Variants in SPATA6 observed in about 807,000 individuals in gnomAD.
SPATA6 encodes spermatogenesis-associated protein 6.
SPATA6 carries 56 observed loss-of-function variants against 65.3 expected under a neutral mutation model. That is an observed-to-expected ratio of 0.86 (90% CI 0.69 to 1.07). The LOEUF is 1.07. Ranked by LOEUF, SPATA6 falls within the 50% of genes least tolerant of loss-of-function variation. The probability of loss-of-function intolerance (pLI) is 0.00; values close to 1 mark genes in which losing one functional copy is unlikely to be tolerated. For missense variants in SPATA6, 590 were observed against 594.8 expected, an observed-to-expected ratio of 0.99 and a Z score of 0.08; for synonymous variants, 199 against 213.2, an observed-to-expected ratio of 0.93 and a Z score of 0.58.
chr1:48,360,690 T>C (rs1646787077), intron 9 of SPATA6, among the ~76,000 whole-genome samples: 1 of 152,138 alleles, frequency 6.6e-6, no homozygotes, highest in African/African-American at 2.4e-5. Context: ...CTTCTATAAA[T>C]AGGACATCCC....
the SPATA6 span, among the ~76,000 whole-genome samples, chr1:48,275,102 T>C: frequency 1.3e-5 from 2 of 152,220 alleles, no homozygotes; most frequent in Non-Finnish European, 2.9e-5. Context: ...TTTGTAGCAA[T>C]TGTGAATGGG....
In SPATA6 at chr1:48,359,627, A is replaced by C. The variant is rs1646751737; in HGVS notation, c.1053T>G (p.His351Gln). The C allele has an allele frequency of 6.2e-7, 1 of 1,613,548 alleles. No individual in the cohort carries two copies. The highest frequency in any genetic ancestry group is 1.1e-5 in the South Asian group (1 of 91,066). The part of the protein sequence containing the change: ...VHSAPSTMPK[H>Q]SPSPVLNRAS... The stretch of plus-strand genomic sequence containing the variant: ...CTCTATTTAACACAGGGCTTGGAGA[A>C]TGCTTTGGCATTGTTGAGGGTGCTG... The change falls in exon 10 of 13, where the codon CAT (histidine) becomes CAG (glutamine). Residue 351 changes from histidine (H) to glutamine (Q), a missense_variant. Transcript: ENST00000371847.
intron 8 of SPATA6, among the ~76,000 whole-genome samples, chr1:48,394,609 G>A (rs1265050112): frequency 6.6e-6 from 1 of 151,922 alleles, no homozygotes; most frequent in Non-Finnish European, 1.5e-5. Flanking sequence ...ACACACAACA[G>A]GTTAGAAATA....
intron 1 of SPATA6, among the ~76,000 whole-genome samples, chr1:48,462,989 C>G (rs1433730744): frequency 1.3e-5 from 2 of 152,166 alleles, no homozygotes; most frequent in African/African-American, 4.8e-5. Flanking sequence ...TGTGCTCTCT[C>G]TCCTTGAGCT....
chr1:48,302,070 G>C (rs376427252), intron 12 of SPATA6, among the ~76,000 whole-genome samples: 40 of 152,106 alleles, frequency 2.6e-4, no homozygotes, highest in African/African-American at 9.2e-4. Context: ...AGAAAACAAA[G>C]TTTTAGATCT....
chr1:48,445,059 A>C (rs1315915274), intron 3 of SPATA6, among the ~76,000 whole-genome samples: 8 of 152,222 alleles, frequency 5.3e-5, no homozygotes, highest in Admixed American at 5.2e-4. Flanking sequence ...ACAATAGGAA[A>C]TGTATATATG....
At chr1:48,457,663 A>G (rs1657113627) in intron 1 of SPATA6, among the ~76,000 whole-genome samples, 2 of 152,184 alleles carry the variant, frequency 1.3e-5, no homozygotes, top group African/African-American at 4.8e-5. Flanking sequence ...TTTTCTTTCA[A>G]AAAGGAAGTA....
chr1:48,320,308 A>T (rs1334766974), intron 11 of SPATA6, among the ~76,000 whole-genome samples: 1 of 152,246 alleles, frequency 6.6e-6, no homozygotes, highest in Non-Finnish European at 1.5e-5. Context: ...CTACCTCAAG[A>T]CATTTTACAA....
chr1:48,364,749 G>GCA (rs1414828180), intron 9 of SPATA6, among the ~76,000 whole-genome samples: 1 of 152,066 alleles, frequency 6.6e-6, no homozygotes, highest in African/African-American at 2.4e-5. Context: ...TTTGTAGGTT[G>GCA]CCTGTTCACT....
intron 3 of SPATA6, among the ~76,000 whole-genome samples, chr1:48,419,875 G>T (rs1328245229): frequency 1.3e-5 from 2 of 152,142 alleles, no homozygotes; most frequent in South Asian, 2.1e-4. Context: ...GTAATGAGAA[G>T]CAATTTATGA....
intron 2 of SPATA6, 91 bp from the exon 3 acceptor site, chr1:48,451,691 C>T: frequency 1.5e-6 from 2 of 1,291,098 alleles, no homozygotes; most frequent in Non-Finnish European, 2.2e-6. Context: ...TTCACAATCA[C>T]AGAAACTTTT....
At chr1:48,358,819 T>C (rs1646729218) in intron 10 of SPATA6, among the ~76,000 whole-genome samples, 1 of 152,186 alleles carries the variant, frequency 6.6e-6, no homozygotes, top group South Asian at 2.1e-4. Context: ...CATGCCTCCA[T>C]ATATCCACTA....
the SPATA6 span, among the ~76,000 whole-genome samples, chr1:48,267,757 T>TTTTG: frequency 1.6e-5 from 2 of 125,306 alleles, no homozygotes; most frequent in South Asian, 3.1e-4. Context: ...TCTGGGTTTT[T>TTTTG]TTTTTTTTTT....
Position 48,316,921 on chromosome 1 carries a change from T to A in SPATA6, c.1195-11043A>T, listed in dbSNP as rs9727754. 1.6e-3 allele frequency among the ~76,000 whole-genome samples: 236 copies of A among 152,090 alleles called. 2 individuals carry two copies. The highest frequency in any genetic ancestry group is 5.4e-3 in the African/African-American group (225 of 41,466). On this transcript the variant is annotated intron_variant, in intron 11 of 12. Coordinates refer to ENST00000371847, the MANE Select transcript of SPATA6 (RefSeq NM_019073.4). ...GACATTTATGCAGCCAACAGACACATGAAAAAATGCTCATCATCACTGGCC... is the reference window on the plus strand; with the variant it reads ...GACATTTATGCAGCCAACAGACACAAGAAAAAATGCTCATCATCACTGGCC...
chr1:48,325,770 C>T (rs558728507), intron 11 of SPATA6: 9 of 465,238 alleles, frequency 1.9e-5, no homozygotes, highest in Middle Eastern at 3.4e-4. Flanking sequence ...CCTGTGGATG[C>T]GTCAAATGAG....
At chr1:48,317,109 G>C (rs578210011) in intron 11 of SPATA6, among the ~76,000 whole-genome samples, 2 of 152,144 alleles carry the variant, frequency 1.3e-5, no homozygotes, top group Non-Finnish European at 2.9e-5. Context: ...CGATTGTGGA[G>C]GTCAGTGTGG....
At position 48,296,449 on chromosome 1, in the gene SPATA6, T is replaced by G. The variant is rs142787689; in HGVS notation, c.*2264A>C. ...GAGTATTAGTTTCTAAAGTTTCCCT[T>G]TCAGCCCTACTTTTTGCAGCCTTTT... On this transcript the variant is annotated 3_prime_UTR_variant, in exon 13 of 13. Coordinates refer to ENST00000371847, the MANE Select transcript of SPATA6 (RefSeq NM_019073.4). 1 of 152,314 alleles carries G rather than the reference T, an allele frequency of 6.6e-6. No individual in the cohort carries two copies. The highest frequency in any genetic ancestry group is 1.5e-5 in the Non-Finnish European group (1 of 68,012). 9.4% of individuals were successfully genotyped at this position (152,314 alleles called of 1,614,324 possible). A position where few individuals can be genotyped will look rare whatever the true frequency, so the allele number is the denominator to read the frequency against.
chr1:48,336,689 G>A (rs1030721274), intron 11 of SPATA6, among the ~76,000 whole-genome samples: 8 of 151,720 alleles, frequency 5.3e-5, no homozygotes, highest in Admixed American at 2.0e-4. Context: ...TACTACGCTT[G>A]GTACCCCAGT....
intron 8 of SPATA6, among the ~76,000 whole-genome samples, chr1:48,394,305 A>C (rs1162570031): frequency 3.3e-5 from 5 of 152,150 alleles, no homozygotes; most frequent in South Asian, 2.1e-4. Flanking sequence ...AATCGTCAAG[A>C]AAAATCAGAT....
Sources: allele counts gnomAD v4.1 joint callset (sites outside exome capture counted in the v4.1 genomes callset), GRCh38; gene constraint gnomAD v4.1.1; transcripts MANE v1.5; gene names NCBI Gene and HGNC (gene_info 2026-07-23, HGNC 2026-07-21).